Variants in CADPS2 observed in about 807,000 individuals in gnomAD.
The protein encoded by CADPS2 is calcium-dependent secretion activator 2.
In CADPS2, 93 loss-of-function variants were observed where a neutral mutation model predicts 172.5. The observed-to-expected ratio is 0.54, with a 90% CI of 0.46 to 0.64. The LOEUF (loss-of-function observed/expected upper bound fraction) is 0.64. Among genes scored for constraint, CADPS2 ranks in the 30% least tolerant of loss-of-function variants. The pLI, the probability that CADPS2 is intolerant of heterozygous loss-of-function variation, is 0.00. For synonymous variants in CADPS2, 546 were observed against 555.2 expected (o/e 0.98, Z 0.23); for missense variants, 1,420 against 1,565.9 (o/e 0.91, Z 1.57).
chr7:122,601,150 C>T (rs1225255796), intron 6 of CADPS2, among the ~76,000 whole-genome samples: 1 of 151,828 alleles, frequency 6.6e-6, no homozygotes, highest in East Asian at 1.9e-4. Context: ...GATTATTTTT[C>T]ATCTCTACCA....
chr7:122,422,326 A>T (rs1030069529), intron 17 of CADPS2, among the ~76,000 whole-genome samples: 2 of 152,156 alleles, frequency 1.3e-5, no homozygotes, highest in African/African-American at 2.4e-5. Flanking sequence ...ACAGCATCTA[A>T]TTTCTTCTAC....
intron 1 of CADPS2, among the ~76,000 whole-genome samples, chr7:122,878,795 T>TTA (rs1257981060): frequency 6.6e-6 from 1 of 152,134 alleles, no homozygotes; most frequent in East Asian, 1.9e-4. Context: ...CACAAGGGGA[T>TTA]TATTTGCTTG....
At chr7:122,583,636 AT>A (rs1471860861) in intron 6 of CADPS2, among the ~76,000 whole-genome samples, 3 of 150,852 alleles carry the variant, frequency 2.0e-5, no homozygotes, top group African/African-American at 7.3e-5. Flanking sequence ...TATATAAAAA[AT>A]ATATATCACA....
intron 4 of CADPS2, among the ~76,000 whole-genome samples, chr7:122,626,985 T>C (rs1007257265): frequency 3.3e-5 from 5 of 152,190 alleles, no homozygotes; most frequent in Non-Finnish European, 7.3e-5. Flanking sequence ...ACTGTTATTA[T>C]ATTGTGTTGT....
chr7:122,403,881 C>T (rs2046276798), intron 20 of CADPS2, among the ~76,000 whole-genome samples: 2 of 151,916 alleles, frequency 1.3e-5, no homozygotes, highest in Non-Finnish European at 2.9e-5. Flanking sequence ...ACAAAACTTC[C>T]AAGAAATCCA....
chr7:122,681,477 G>A (rs1588381780), intron 2 of CADPS2: 2 of 1,519,670 alleles, frequency 1.3e-6, no homozygotes, highest in Non-Finnish European at 1.8e-6. Flanking sequence ...GGACATTTCT[G>A]AAGCAAGCGT....
intron 2 of CADPS2, among the ~76,000 whole-genome samples, chr7:122,680,887 C>A (rs2082953512): frequency 6.6e-6 from 1 of 151,684 alleles, no homozygotes; most frequent in East Asian, 1.9e-4. Flanking sequence ...CCCAAATGTC[C>A]AACAATGATA....
chr7:122,763,706 T>TGGA (rs1211947758), intron 1 of CADPS2, among the ~76,000 whole-genome samples: 1 of 152,124 alleles, frequency 6.6e-6, no homozygotes, highest in African/African-American at 2.4e-5. Context: ...TGACAAGCTC[T>TGGA]GGAGAACTTT....
At chr7:122,756,338 T>C (rs1213460028) in intron 1 of CADPS2, among the ~76,000 whole-genome samples, 1 of 152,210 alleles carries the variant, frequency 6.6e-6, no homozygotes, top group African/African-American at 2.4e-5. Flanking sequence ...AACATCTAAA[T>C]ATACAATAGT....
At position 122,663,597 on chromosome 7, in the gene CADPS2, C is replaced by A. The variant is rs75765153; in HGVS notation, c.454-28G>T. On this transcript the variant is annotated intron_variant, in intron 2 of 29. Transcript: ENST00000449022. ...GAAAACAAAACAAAACAAAACAAAACAAAAAACAATTACAATTAGGTGTAG... is the reference window on the plus strand; with the variant it reads ...GAAAACAAAACAAAACAAAACAAAAAAAAAAACAATTACAATTAGGTGTAG... 2,157 of 1,508,960 alleles carry A rather than the reference C, an allele frequency of 1.4e-3. 21 individuals carry two copies. In the African/African-American group the frequency reaches 0.027, roughly 19 times the overall value. The allele number at this position is 1,508,960 out of a possible 1,614,324, so 93.5% of individuals were successfully genotyped here.
intron 6 of CADPS2, among the ~76,000 whole-genome samples, chr7:122,614,357 A>C (rs1458855888): frequency 6.6e-6 from 1 of 152,126 alleles, no homozygotes; most frequent in Admixed American, 6.6e-5. Flanking sequence ...AAGAAAATGA[A>C]CATTTCTCAT....
chr7:122,443,200 A>G (rs2051609501), intron 15 of CADPS2, among the ~76,000 whole-genome samples: 1 of 152,202 alleles, frequency 6.6e-6, no homozygotes, highest in East Asian at 1.9e-4. Flanking sequence ...CCCACTGGGT[A>G]TGTTCTAAAT....
chr7:122,459,897 A>G (rs1011669232), intron 14 of CADPS2, among the ~76,000 whole-genome samples: 112 of 152,216 alleles, frequency 7.4e-4, no homozygotes, highest in African/African-American at 2.7e-3. Context: ...AAATTAGACA[A>G]TAAGTATACA....
intron 14 of CADPS2, among the ~76,000 whole-genome samples, chr7:122,454,979 C>G (rs1309351943): frequency 6.6e-6 from 1 of 152,162 alleles, no homozygotes; most frequent in Non-Finnish European, 1.5e-5. Context: ...CTACTCCGAG[C>G]CTCTTCAACC....
intron 1 of CADPS2, among the ~76,000 whole-genome samples, chr7:122,859,358 T>G (rs531483264): frequency 6.6e-6 from 1 of 152,326 alleles, no homozygotes; most frequent in Non-Finnish European, 1.5e-5. Context: ...TAATACCTGG[T>G]TATGCCTCTA....
At chr7:122,607,378 TA>T (rs1192795043) in intron 6 of CADPS2, among the ~76,000 whole-genome samples, 1 of 152,158 alleles carries the variant, frequency 6.6e-6, no homozygotes, top group African/African-American at 2.4e-5. Context: ...TGTGCTGTGG[TA>T]AGAATTAAGC....
chr7:122,639,279 G>A (rs549910943), intron 3 of CADPS2, among the ~76,000 whole-genome samples: 65 of 152,014 alleles, frequency 4.3e-4, no homozygotes, highest in African/African-American at 1.3e-3. Context: ...ATTTATTTTC[G>A]ACATAATTTA....
intron 2 of CADPS2, among the ~76,000 whole-genome samples, chr7:122,691,088 GCAGGTGCTTCA>G (rs2084293748): frequency 6.6e-6 from 1 of 152,218 alleles, no homozygotes; most frequent in Non-Finnish European, 1.5e-5. Context: ...GCTGCTCTAA[GCAGGTGCTTCA>G]CTTCACTAAA....
At chr7:122,721,292 G>C (rs2090363365) in intron 2 of CADPS2, among the ~76,000 whole-genome samples, 2 of 151,900 alleles carry the variant, frequency 1.3e-5, no homozygotes, top group Admixed American at 1.3e-4. Context: ...TAGACTGCTA[G>C]CAAGACTAAT....
Sources: gnomAD v4.1 joint callset for allele counts (sites outside exome capture counted in the v4.1 genomes callset) on GRCh38, gnomAD v4.1.1 for gene constraint, MANE v1.5 for transcripts, NCBI Gene and HGNC (gene_info 2026-07-23, HGNC 2026-07-21) for gene names.